Variants in TMEM245 observed in about 807,000 individuals in gnomAD.
TMEM245 encodes the protein protein CG-2.
In TMEM245, 69 loss-of-function variants were observed where a neutral mutation model predicts 101.2. The observed-to-expected ratio is 0.68, with a 90% CI of 0.56 to 0.83. The LOEUF (loss-of-function observed/expected upper bound fraction) is 0.83. Ranked by LOEUF, TMEM245 falls within the 40% of genes least tolerant of loss-of-function variation. The pLI, the probability that TMEM245 is intolerant of heterozygous loss-of-function variation, is 0.00. For synonymous variants in TMEM245, 537 were observed against 449.8 expected (o/e 1.19, Z -2.45); for missense variants, 1,075 against 1,092.8 (o/e 0.98, Z 0.23).
chr9:109,086,746 T>C (rs1829850952), intron 6 of TMEM245, among the ~76,000 whole-genome samples: 2 of 152,198 alleles, frequency 1.3e-5, no homozygotes, highest in Non-Finnish European at 2.9e-5. Context: ...CTTTCCCCAA[T>C]AAACAAGGCT....
chr9:109,064,696 A>T (rs1248198552), intron 9 of TMEM245, 129 bp from the exon 10 acceptor site: 5 of 631,026 alleles, frequency 7.9e-6, no homozygotes, highest in Non-Finnish European at 1.3e-5. Flanking sequence ...ACAGATACCA[A>T]AGCATCATGA....
At chr9:109,020,585 G>T in intron 17 of TMEM245, 80 bp from the exon 18 acceptor site, 1 of 1,269,810 alleles carries the variant, frequency 7.9e-7, no homozygotes, top group South Asian at 1.2e-5. Flanking sequence ...GAGCCCTAAT[G>T]AGATTATATA....
Position 109,073,349 on chromosome 9 carries a change from T to C in TMEM245, c.1532+7A>G. 1 of 1,607,272 alleles carries C rather than the reference T, an allele frequency of 6.2e-7. No individual in the cohort carries two copies. The highest frequency in any genetic ancestry group is 8.5e-7 in the Non-Finnish European group (1 of 1,174,426). On this transcript the variant is annotated splice_region_variant and intron_variant, in intron 9 of 17. Coordinates refer to ENST00000374586, the MANE Select transcript of TMEM245 (RefSeq NM_032012.4). ...ATCTCTCTTCTTTTTCAAAACAATA[T>C]TCTTACTTTGCCCACTCAGGGTGAT...
At chr9:109,070,255 G>A (rs980293522) in intron 9 of TMEM245, among the ~76,000 whole-genome samples, 9 of 152,100 alleles carry the variant, frequency 5.9e-5, no homozygotes, top group East Asian at 3.9e-4. Context: ...CTCCTGAACC[G>A]CATACCTACA....
At chr9:109,079,477 A>G (rs1016216614) in intron 8 of TMEM245, among the ~76,000 whole-genome samples, 3 of 152,122 alleles carry the variant, frequency 2.0e-5, no homozygotes, top group African/African-American at 7.2e-5. Context: ...TGAGATGTCC[A>G]TTAAACATTC....
Position 109,080,921 on chromosome 9 carries a change from A to G in TMEM245, c.1367T>C (p.Met456Thr), listed in dbSNP as rs1294079314. 2.5e-6 allele frequency: 4 copies of G among 1,607,024 alleles called. No homozygotes were observed. In the South Asian group the frequency reaches 3.3e-5, roughly 13 times the overall value. The part of the protein sequence containing the change: ...NKKMIIWLEK[M>T]LDKIISIFII... ...GAAAATGCTAATTATTTTATCTAACATCTTCTCCAACCAGATGATCATCTG... is the reference window on the plus strand; with the variant it reads ...GAAAATGCTAATTATTTTATCTAACGTCTTCTCCAACCAGATGATCATCTG... The change falls in exon 8 of 18, where the codon ATG becomes ACG. Residue 456 changes from methionine (M) to threonine (T), a missense_variant. Physicochemically the swap from Met to Thr is moderately conservative, Grantham distance 81. This residue lies in a region of TMEM245 where 808 missense variants were observed against 741.5 expected (regional missense o/e 1.09). Coordinates refer to ENST00000374586, the MANE Select transcript of TMEM245 (RefSeq NM_032012.4).
intron 3 of TMEM245, among the ~76,000 whole-genome samples, chr9:109,101,262 C>T (rs1830274157): frequency 6.6e-6 from 1 of 152,104 alleles, no homozygotes; most frequent in Non-Finnish European, 1.5e-5. Context: ...GCTCAGAAGA[C>T]ATAGAGAAAG....
chr9:109,073,133 C>G (rs1829384998), intron 9 of TMEM245: 1 of 515,598 alleles, frequency 1.9e-6, no homozygotes, highest in Non-Finnish European at 3.5e-6. Flanking sequence ...AATTATAAAA[C>G]AAAGTATCAT....
intron 1 of TMEM245, among the ~76,000 whole-genome samples, chr9:109,117,055 CCTCT>C (rs1482987203): frequency 1.3e-5 from 2 of 151,698 alleles, no homozygotes; most frequent in Admixed American, 6.6e-5. Context: ...TTTTTTTAAC[CCTCT>C]CTCTTTTTCC....
chr9:109,035,088 C>T (rs1049780576), intron 16 of TMEM245, among the ~76,000 whole-genome samples: 13 of 131,386 alleles, frequency 9.9e-5, no homozygotes, highest in South Asian at 7.5e-4. Flanking sequence ...ACCTGGGAGG[C>T]GAAGGTTGCA....
rs1374682727 is a variant in TMEM245 at position 109,036,366 on chromosome 9, G to T, written c.2239C>A (p.Leu747Ile). Residue 747 changes from leucine (L) to isoleucine (I), a missense_variant, in exon 16 of 18, where the codon CTT (leucine) becomes ATT (isoleucine). Leu to Ile is a conservative substitution (Grantham distance 5, BLOSUM62 2). Around this residue, in one of 2 missense-constraint regions of TMEM245, gnomAD observed 267 missense variants for 351.3 expected, o/e 0.76. Coordinates refer to ENST00000374586, the MANE Select transcript of TMEM245 (RefSeq NM_032012.4). The stretch of plus-strand genomic sequence containing the variant: ...GTCCCCAGGAATGGCACTGCTCCAA[G>T]GATTGCTGCTAATGCTGAAAAAAGA... ...VFIPSALAAI[L>I]GAVPFLGTYW... 6.3e-7 allele frequency: 1 copy of T among 1,593,800 alleles called. No individual in the cohort carries two copies. Among genetic ancestry groups the T allele is most frequent in the African/African-American group, 1.4e-5 (1 of 73,722 alleles).
intron 3 of TMEM245, among the ~76,000 whole-genome samples, chr9:109,096,691 G>A (rs1467346700): frequency 6.6e-6 from 1 of 152,030 alleles, no homozygotes; most frequent in Non-Finnish European, 1.5e-5. Flanking sequence ...AGACCTTCAG[G>A]TCAAAAATTT....
chr9:109,088,362 C>T (rs534184609), intron 5 of TMEM245, among the ~76,000 whole-genome samples: 2 of 152,224 alleles, frequency 1.3e-5, no homozygotes, highest in East Asian at 3.9e-4. Context: ...TTTTAGGGGC[C>T]ACCTTATTCA....
chr9:109,069,777 C>T (rs1012191315), intron 9 of TMEM245, among the ~76,000 whole-genome samples: 1 of 152,188 alleles, frequency 6.6e-6, no homozygotes, highest in Non-Finnish European at 1.5e-5. Flanking sequence ...CTGCTCTATA[C>T]CTCCTTCCCA....
chr9:109,114,164 C>G (rs540250397), intron 1 of TMEM245, among the ~76,000 whole-genome samples: 1 of 152,338 alleles, frequency 6.6e-6, no homozygotes, highest in South Asian at 2.1e-4. Context: ...CAAGCAGCAA[C>G]TGCTTCAGGT....
intron 17 of TMEM245, among the ~76,000 whole-genome samples, chr9:109,029,880 T>C (rs924093064): frequency 6.6e-6 from 1 of 152,134 alleles, no homozygotes; most frequent in African/African-American, 2.4e-5. Flanking sequence ...TGAGATGGGA[T>C]TAGTTATAAG....
chr9:109,105,170 T>A (rs1212397718), intron 3 of TMEM245, among the ~76,000 whole-genome samples: 7 of 152,078 alleles, frequency 4.6e-5, no homozygotes, highest in Non-Finnish European at 1.0e-4. Flanking sequence ...GGCAAACAAT[T>A]TAATTTTTTT....
chr9:109,027,423 C>A (rs1827822561), intron 17 of TMEM245, among the ~76,000 whole-genome samples: 1 of 152,136 alleles, frequency 6.6e-6, no homozygotes, highest in African/African-American at 2.4e-5. Flanking sequence ...GCATCCATCC[C>A]AACACTGGGA....
At position 109,064,483 on chromosome 9, in the gene TMEM245, A is replaced by G. The variant is rs1829105115; in HGVS notation, c.1617T>C (p.Thr539=). 1.9e-6 allele frequency: 3 copies of G among 1,613,074 alleles called. No homozygotes were observed. The highest frequency in any genetic ancestry group is 2.5e-6 in the Non-Finnish European group (3 of 1,179,392). The change falls in exon 10 of 18, where the codon ACT becomes ACC. Residue 539 remains threonine, a synonymous_variant. Coordinates refer to ENST00000374586, the MANE Select transcript of TMEM245 (RefSeq NM_032012.4). ...NVYQYGREWI[T]HKLHKILGDK... is the part of the protein sequence containing the mutation. ...AGAAAGTTTCTTCCCTTACCTTGTG[A>G]GTTATCCATTCTCGTCCATACTGAT...
Sources: allele counts gnomAD v4.1 joint callset (sites outside exome capture counted in the v4.1 genomes callset), GRCh38; gene constraint gnomAD v4.1.1; regional missense constraint gnomAD v4.1.1; transcripts MANE v1.5; gene names NCBI Gene and HGNC (gene_info 2026-07-23, HGNC 2026-07-21).